The following PRKD1 variants were observed in gnomAD, a reference collection of about 807,000 sequenced individuals.
PRKD1 encodes the protein serine/threonine-protein kinase D1.
A neutral mutation model predicts 95.9 loss-of-function variants in PRKD1; 63 were observed. The observed-to-expected ratio is 0.66, with a 90% CI of 0.54 to 0.81. PRKD1 has a LOEUF of 0.81. Ranked by LOEUF, PRKD1 falls within the 30% of genes least tolerant of loss-of-function variation. The pLI, the probability that PRKD1 is intolerant of heterozygous loss-of-function variation, is 0.00. For synonymous variants in PRKD1, 425 were observed against 423.1 expected, an observed-to-expected ratio of 1.00 and a Z score of -0.05; for missense variants, 1,048 against 1,165.3, an observed-to-expected ratio of 0.90 and a Z score of 1.47.
At position 29,638,923 on chromosome 14, in the gene PRKD1, T is replaced by C. The variant is rs772146872; in HGVS notation, c.697-19A>G. On this transcript the variant is annotated intron_variant, in intron 4 of 17. Transcript: ENST00000331968. ...ATTTTTGCTACATTTTGGAAAACAA[T>C]AAAGGAAGCAAGATGTAAGAGGCTA... 4 of 1,596,274 alleles carry C rather than the reference T, an allele frequency of 2.5e-6. No individual in the cohort carries two copies. The highest frequency in any genetic ancestry group is 2.6e-6 in the Non-Finnish European group (3 of 1,163,938).
At chr14:29,800,806 A>G (rs1345860185) in intron 1 of PRKD1, among the ~76,000 whole-genome samples, 2 of 152,180 alleles carry the variant, frequency 1.3e-5, no homozygotes, top group East Asian at 1.9e-4. Context: ...TATTTTTTCA[A>G]TCACCTTGAA....
At chr14:29,641,335 T>G (rs1880748404) in intron 4 of PRKD1, among the ~76,000 whole-genome samples, 1 of 152,232 alleles carries the variant, frequency 6.6e-6, no homozygotes, top group South Asian at 2.1e-4. Context: ...CCAACCAGAC[T>G]TATCACTACC....
chr14:29,796,435 T>C (rs1889818681), intron 1 of PRKD1, among the ~76,000 whole-genome samples: 1 of 152,152 alleles, frequency 6.6e-6, no homozygotes, highest in Admixed American at 6.6e-5. Flanking sequence ...ATTCCTATAG[T>C]TCCTGAAATA....
rs550025097 is a variant in PRKD1 at position 29,790,350 on chromosome 14, C to T, written c.265-64676G>A. 4.6e-5 allele frequency among the ~76,000 whole-genome samples: 7 copies of T among 151,994 alleles called. No homozygotes were observed. The South Asian group carries it at 1.5e-3, about 32-fold the overall frequency. On this transcript the variant is annotated intron_variant, in intron 1 of 17. Transcript: ENST00000331968. Reference sequence around the variant, plus strand: ...TAATTATTACTTAGATTTCATCATTCCAGCTAAAAAAAAGATTCATAATTT... The same window carrying T: ...TAATTATTACTTAGATTTCATCATTTCAGCTAAAAAAAAGATTCATAATTT...
At chr14:29,672,289 C>T (rs1004326990) in intron 2 of PRKD1, among the ~76,000 whole-genome samples, 4 of 151,112 alleles carry the variant, frequency 2.6e-5, no homozygotes, top group East Asian at 2.0e-4. Context: ...TGCAGTGAGC[C>T]GAGATCGTGC....
chr14:29,608,491 T>G (rs888231619), intron 13 of PRKD1, among the ~76,000 whole-genome samples: 6 of 152,170 alleles, frequency 3.9e-5, no homozygotes, highest in African/African-American at 1.4e-4. Flanking sequence ...GTGGACTCCT[T>G]TTTCTCAGAG....
At chr14:29,890,395 G>A (rs920148143) in intron 1 of PRKD1, among the ~76,000 whole-genome samples, 3 of 152,040 alleles carry the variant, frequency 2.0e-5, no homozygotes, top group Non-Finnish European at 2.9e-5. Flanking sequence ...TTGAGCAAGG[G>A]AATCCTCAAT....
At chr14:29,641,625 A>G (rs1028127946) in intron 4 of PRKD1, among the ~76,000 whole-genome samples, 12 of 152,174 alleles carry the variant, frequency 7.9e-5, no homozygotes, top group Admixed American at 5.9e-4. Flanking sequence ...GCTTTCCCTA[A>G]CATGAGGCAA....
chr14:29,784,225 G>T (rs116627905), intron 1 of PRKD1, among the ~76,000 whole-genome samples: 1,591 of 152,082 alleles, frequency 0.01, 32 homozygotes, highest in African/African-American at 0.037. Flanking sequence ...ATTGAAGAGG[G>T]TGTCCTTTCC....
chr14:29,791,710 A>C (rs984030986), intron 1 of PRKD1, among the ~76,000 whole-genome samples: 9 of 152,168 alleles, frequency 5.9e-5, no homozygotes, highest in Non-Finnish European at 1.0e-4. Flanking sequence ...CAATTTGTGC[A>C]TCCATCTGTT....
At chr14:29,864,140 A>C (rs1892804400) in intron 1 of PRKD1, among the ~76,000 whole-genome samples, 1 of 152,122 alleles carries the variant, frequency 6.6e-6, no homozygotes, top group Non-Finnish European at 1.5e-5. Context: ...CACATTAATT[A>C]AAACATTTTG....
At chr14:29,590,682 G>C (rs1893095564) in intron 16 of PRKD1, among the ~76,000 whole-genome samples, 1 of 152,098 alleles carries the variant, frequency 6.6e-6, no homozygotes, top group Non-Finnish European at 1.5e-5. Context: ...ATAAATTCTA[G>C]GTTATAACCC....
intron 1 of PRKD1, among the ~76,000 whole-genome samples, chr14:29,804,977 TG>T (rs1890177532): frequency 6.6e-6 from 1 of 152,220 alleles, no homozygotes; most frequent in East Asian, 1.9e-4. Context: ...GTTATTAAAA[TG>T]GAATTCAGGT....
intron 1 of PRKD1, among the ~76,000 whole-genome samples, chr14:29,817,534 A>T (rs942222894): frequency 1.3e-5 from 2 of 152,224 alleles, no homozygotes; most frequent in Non-Finnish European, 2.9e-5. Context: ...TATATTATAG[A>T]CACAGTTTTA....
At chr14:29,875,363 GC>G (rs1361649127) in intron 1 of PRKD1, among the ~76,000 whole-genome samples, 1 of 152,136 alleles carries the variant, frequency 6.6e-6, no homozygotes, top group African/African-American at 2.4e-5. Context: ...ATTAAATTGT[GC>G]CTATGATGCA....
At chr14:29,893,258 TAA>T (rs1894002656) in intron 1 of PRKD1, among the ~76,000 whole-genome samples, 1 of 152,062 alleles carries the variant, frequency 6.6e-6, no homozygotes, top group African/African-American at 2.4e-5. Flanking sequence ...TTAATACATA[TAA>T]GAGTAGTTTA....
intron 1 of PRKD1, among the ~76,000 whole-genome samples, chr14:29,864,684 G>C (rs909069200): frequency 1.3e-5 from 2 of 152,048 alleles, no homozygotes; most frequent in African/African-American, 4.8e-5. Context: ...GGGATAGTTT[G>C]CTATCCAAAA....
At chr14:29,844,013 T>C (rs944503356) in intron 1 of PRKD1, among the ~76,000 whole-genome samples, 4 of 152,070 alleles carry the variant, frequency 2.6e-5, no homozygotes, top group Non-Finnish European at 4.4e-5. Context: ...GTGAGAAAAA[T>C]AAACCTATTT....
At position 29,663,813 on chromosome 14, in the gene PRKD1, G is replaced by A. The variant is rs199696760; in HGVS notation, c.582C>T (p.Asn194=). The part of the protein sequence containing the change: ...YHKRCAFKIP[N]NCSGVRRRRL... ...TTCTCCGCCTCACACCGCTGCAATT[G>A]TTGGGTATTTTAAATGCACATCTCT... is the stretch of plus-strand genomic sequence containing the variant. The change falls in exon 4 of 18, where the codon AAC becomes AAT. Residue 194 remains asparagine, a synonymous_variant. Coordinates refer to ENST00000331968, the MANE Select transcript of PRKD1 (RefSeq NM_002742.3). The A allele has an allele frequency of 1.2e-6, 2 of 1,613,982 alleles. No individual in the cohort carries two copies. Among genetic ancestry groups the A allele is most frequent in the African/African-American group, 2.7e-5 (2 of 75,026 alleles).
Sources: allele counts gnomAD v4.1 joint callset (sites outside exome capture counted in the v4.1 genomes callset), GRCh38; gene constraint gnomAD v4.1.1; transcripts MANE v1.5; gene names NCBI Gene and HGNC (gene_info 2026-07-23, HGNC 2026-07-21).